Variants in SLC24A2 observed in about 807,000 individuals in gnomAD.
The protein encoded by SLC24A2 is solute carrier family 24 member 2.
Under a neutral mutation model 62.0 loss-of-function variants are expected in SLC24A2, and 36 were observed. That is an observed-to-expected ratio of 0.58 (90% CI 0.44 to 0.77). The LOEUF (loss-of-function observed/expected upper bound fraction) is 0.77. Among genes scored for constraint, SLC24A2 ranks in the 30% least tolerant of loss-of-function variants. The probability of loss-of-function intolerance (pLI) is 0.00; values close to 1 mark genes in which losing one functional copy is unlikely to be tolerated. For missense variants in SLC24A2, 846 were observed against 817.9 expected, an observed-to-expected ratio of 1.03 and a Z score of -0.42; for synonymous variants, 358 against 294.0, an observed-to-expected ratio of 1.22 and a Z score of -2.23.
intron 7 of SLC24A2, among the ~76,000 whole-genome samples, chr9:19,566,522 A>G (rs1835658448): frequency 6.6e-6 from 1 of 151,768 alleles, no homozygotes; most frequent in Non-Finnish European, 1.5e-5. Context: ...TGGGACTGTA[A>G]ACTAGTTCAA....
the SLC24A2 span, among the ~76,000 whole-genome samples, chr9:20,042,106 C>T: frequency 6.6e-6 from 1 of 152,244 alleles, no homozygotes; most frequent in South Asian, 2.1e-4. Context: ...AGCACTGTCC[C>T]TGGTGGGCAG....
the SLC24A2 span, among the ~76,000 whole-genome samples, chr9:20,180,920 C>G: frequency 6.6e-6 from 1 of 152,148 alleles, no homozygotes; most frequent in African/African-American, 2.4e-5. Flanking sequence ...CTGAACTAAG[C>G]TTACAGTGGG....
the SLC24A2 span, among the ~76,000 whole-genome samples, chr9:19,948,668 A>AC: frequency 1.3e-5 from 2 of 151,558 alleles, no homozygotes; most frequent in Non-Finnish European, 2.9e-5. Context: ...CCACGGTGAA[A>AC]CCCCGTCTCT....
chr9:19,578,168 C>A (rs59339881), intron 5 of SLC24A2, among the ~76,000 whole-genome samples: 1 of 151,802 alleles, frequency 6.6e-6, no homozygotes, highest in African/African-American at 2.4e-5. Context: ...ACCAAAATCT[C>A]ACAAATCACC....
chr9:20,133,365 G>T, the SLC24A2 span, among the ~76,000 whole-genome samples: 1 of 151,926 alleles, frequency 6.6e-6, no homozygotes, highest in African/African-American at 2.4e-5. Context: ...ATCTCACAGG[G>T]CAAACTTACA....
intron 2 of SLC24A2, among the ~76,000 whole-genome samples, chr9:19,679,932 C>T (rs7043947): frequency 2.0e-5 from 3 of 151,568 alleles, no homozygotes; most frequent in Non-Finnish European, 4.4e-5. Context: ...CTCTGGAGAA[C>T]CCTAACCACA....
the SLC24A2 span, among the ~76,000 whole-genome samples, chr9:20,305,099 T>C: frequency 6.7e-6 from 1 of 148,646 alleles, no homozygotes; most frequent in East Asian, 2.0e-4. Context: ...TTCTACCAAA[T>C]AGGATAATAC....
chr9:19,670,609 T>C (rs1819387111), intron 2 of SLC24A2, among the ~76,000 whole-genome samples: 1 of 152,180 alleles, frequency 6.6e-6, no homozygotes, highest in Non-Finnish European at 1.5e-5. Flanking sequence ...TACAGAGAGA[T>C]TACATTATTT....
chr9:20,016,968 T>G, the SLC24A2 span, among the ~76,000 whole-genome samples: 1 of 152,200 alleles, frequency 6.6e-6, no homozygotes, highest in African/African-American at 2.4e-5. Context: ...ATCACATAAG[T>G]TTTAATTTAA....
At chr9:19,707,911 T>G (rs1014508200) in intron 2 of SLC24A2, among the ~76,000 whole-genome samples, 3 of 152,078 alleles carry the variant, frequency 2.0e-5, no homozygotes, top group African/African-American at 4.8e-5. Context: ...CCAGGGCAAT[T>G]AGGCAGGAGA....
the SLC24A2 span, among the ~76,000 whole-genome samples, chr9:19,812,347 T>G: frequency 1.3e-5 from 2 of 152,126 alleles, no homozygotes; most frequent in Non-Finnish European, 2.9e-5. Flanking sequence ...TACATTCTTC[T>G]AAATTTTATA....
the SLC24A2 span, among the ~76,000 whole-genome samples, chr9:19,820,337 T>A: frequency 1.3e-5 from 2 of 150,400 alleles, no homozygotes; most frequent in African/African-American, 2.4e-5. Flanking sequence ...GTGTAGTGTA[T>A]ACTGCTCAGG....
intron 2 of SLC24A2, among the ~76,000 whole-genome samples, chr9:19,749,250 C>A (rs962727041): frequency 6.6e-6 from 1 of 151,956 alleles, no homozygotes; most frequent in African/African-American, 2.4e-5. Flanking sequence ...GATAAAAGAA[C>A]AGCATACATT....
At chr9:19,830,124 A>G in the SLC24A2 span, among the ~76,000 whole-genome samples, 2 of 152,198 alleles carry the variant, frequency 1.3e-5, no homozygotes, top group East Asian at 2.0e-4. Context: ...GTTCCAAGTT[A>G]TCTCTCCAGG....
the SLC24A2 span, among the ~76,000 whole-genome samples, chr9:19,842,537 T>C: frequency 6.6e-6 from 1 of 152,194 alleles, no homozygotes; most frequent in African/African-American, 2.4e-5. Flanking sequence ...TAGGAATGGC[T>C]ACTCTCACAA....
the SLC24A2 span, among the ~76,000 whole-genome samples, chr9:20,206,858 C>G: frequency 1.8e-5 from 2 of 112,602 alleles, no homozygotes; most frequent in East Asian, 5.0e-4. Context: ...TGATATATAA[C>G]CCTCATAAAA....
At chr9:20,159,127 T>A in the SLC24A2 span, among the ~76,000 whole-genome samples, 1 of 151,674 alleles carries the variant, frequency 6.6e-6, no homozygotes, top group African/African-American at 2.4e-5. Flanking sequence ...TCAAGATTTA[T>A]ACCAAGGCAA....
intron 4 of SLC24A2, among the ~76,000 whole-genome samples, chr9:19,616,794 T>C (rs1197039867): frequency 1.3e-5 from 2 of 152,138 alleles, no homozygotes; most frequent in Non-Finnish European, 2.9e-5. Context: ...AATTAAAGGT[T>C]CATTGGCAGA....
At chr9:20,142,892 G>T in the SLC24A2 span, among the ~76,000 whole-genome samples, 1 of 152,150 alleles carries the variant, frequency 6.6e-6, no homozygotes, top group African/African-American at 2.4e-5. Context: ...CACCGTGCCC[G>T]GCCTTTCCAT....
Sources: gnomAD v4.1 joint callset for allele counts (sites outside exome capture counted in the v4.1 genomes callset) on GRCh38, gnomAD v4.1.1 for gene constraint, MANE v1.5 for transcripts, NCBI Gene and HGNC (gene_info 2026-07-23, HGNC 2026-07-21) for gene names.